The following FSIP1 variants were observed in gnomAD, a reference collection of about 807,000 sequenced individuals.
FSIP1 encodes the protein fibrous sheath interacting protein 1.
A neutral mutation model predicts 60.9 loss-of-function variants in FSIP1; 65 were observed. That is an observed-to-expected ratio of 1.07 (90% CI 0.87 to 1.31). FSIP1 has a LOEUF of 1.31. Ranked by LOEUF, FSIP1 falls within the 40% of genes most tolerant of loss-of-function variation. The pLI, the probability that FSIP1 is intolerant of heterozygous loss-of-function variation, is 0.00. For missense variants in FSIP1, 675 were observed against 665.5 expected, an observed-to-expected ratio of 1.01 and a Z score of -0.16; for synonymous variants, 209 against 221.2, an observed-to-expected ratio of 0.94 and a Z score of 0.49.
chr15:39,779,106 A>T (rs935346725), intron 1 of FSIP1, among the ~76,000 whole-genome samples: 3 of 152,182 alleles, frequency 2.0e-5, no homozygotes, highest in African/African-American at 7.2e-5. Context: ...AACAAAGATG[A>T]TATACAAAAG....
At chr15:39,625,089 C>T (rs1891585561) in intron 10 of FSIP1, among the ~76,000 whole-genome samples, 1 of 152,076 alleles carries the variant, frequency 6.6e-6, no homozygotes, top group Admixed American at 6.5e-5. Flanking sequence ...AGAATCAGAC[C>T]CCACCCATGC....
chr15:39,658,715 G>C (rs1383971313), intron 10 of FSIP1, among the ~76,000 whole-genome samples: 1 of 152,094 alleles, frequency 6.6e-6, no homozygotes, highest in Non-Finnish European at 1.5e-5. Flanking sequence ...GCATATATTT[G>C]ACTGCTTCCT....
At chr15:39,753,661 C>T (rs1897226914) in intron 5 of FSIP1, among the ~76,000 whole-genome samples, 1 of 151,580 alleles carries the variant, frequency 6.6e-6, no homozygotes, top group Middle Eastern at 3.4e-3. Flanking sequence ...GAAATGCATT[C>T]AATAAATTTC....
Position 39,617,619 on chromosome 15 carries a change from G to A in FSIP1, c.1699+116C>T, listed in dbSNP as rs536628000. ...TTTATGTTTGCATACTCTTATTGAC[G>A]CTACCTGTGACTTACAAACATACCT... On this transcript the variant is annotated intron_variant, in intron 11 of 11. Coordinates refer to ENST00000350221, the MANE Select transcript of FSIP1 (RefSeq NM_152597.5). 4.4e-5 allele frequency: 36 copies of A among 826,818 alleles called. No homozygotes were observed. The East Asian group carries it at 8.0e-4, about 18-fold the overall frequency. The allele number at this position is 826,818 out of a possible 1,614,324, so 51.2% of individuals were successfully genotyped here.
chr15:39,713,340 G>T, intron 10 of FSIP1, 104 bp downstream of exon 10: 1 of 978,584 alleles, frequency 1.0e-6, no homozygotes, highest in Non-Finnish European at 1.5e-6. Flanking sequence ...GCTGAGGTGG[G>T]CAGGTCACTT....
At chr15:39,662,363 A>T (rs1003997010) in intron 10 of FSIP1, among the ~76,000 whole-genome samples, 1 of 152,178 alleles carries the variant, frequency 6.6e-6, no homozygotes, top group African/African-American at 2.4e-5. Flanking sequence ...AAGTTTAGAG[A>T]AGTTGAAAAC....
At chr15:39,639,184 T>C (rs988759762) in intron 10 of FSIP1, among the ~76,000 whole-genome samples, 1 of 152,230 alleles carries the variant, frequency 6.6e-6, no homozygotes, top group Admixed American at 6.5e-5. Flanking sequence ...ATTTTGCTTT[T>C]TTCTGAGGCT....
chr15:39,656,804 A>T (rs1893088981), intron 10 of FSIP1, among the ~76,000 whole-genome samples: 1 of 152,234 alleles, frequency 6.6e-6, no homozygotes. Flanking sequence ...AAAAAATCAA[A>T]AAATGTTTAT....
intron 11 of FSIP1, among the ~76,000 whole-genome samples, chr15:39,609,197 C>T (rs1421895436): frequency 1.3e-5 from 2 of 152,218 alleles, no homozygotes; most frequent in African/African-American, 4.8e-5. Context: ...AGTGGCTCTG[C>T]ATTCTAGCCA....
chr15:39,602,584 A>G (rs986139611), intron 11 of FSIP1, among the ~76,000 whole-genome samples: 2 of 152,232 alleles, frequency 1.3e-5, no homozygotes, highest in African/African-American at 4.8e-5. Flanking sequence ...TACTGTCAAC[A>G]CATGGAGAAG....
rs148478050 is a variant in FSIP1, at chr15:39,681,623, A to G, written c.1188+31821T>C. On this transcript the variant is annotated intron_variant, in intron 10 of 11. Transcript: ENST00000350221. Reference sequence around the variant, plus strand: ...TATTATTCCAATATGGATTTAAAGCAGCTTATAACAACAACTACAGTATAA... The same window carrying G: ...TATTATTCCAATATGGATTTAAAGCGGCTTATAACAACAACTACAGTATAA... Among the ~76,000 whole-genome samples, 552 of 152,310 alleles carry G rather than the reference A, an allele frequency of 3.6e-3. 5 individuals are homozygous for G. The highest frequency in any genetic ancestry group is 0.012 in the African/African-American group (507 of 41,576).
intron 9 of FSIP1, among the ~76,000 whole-genome samples, chr15:39,716,812 C>CTTTTTTTTTTTTTTTTTTTTTTTTTT (rs72106293): frequency 9.1e-6 from 1 of 110,210 alleles, no homozygotes; most frequent in Non-Finnish European, 1.8e-5. Flanking sequence ...CAGGCCATGT[C>CTTTTTTTTTTTTTTTTTTTTTTTTTT]TTTTTTTTTT....
intron 9 of FSIP1, among the ~76,000 whole-genome samples, chr15:39,714,299 G>A (rs1470522211): frequency 1.3e-5 from 2 of 151,980 alleles, no homozygotes; most frequent in Non-Finnish European, 1.5e-5. Flanking sequence ...CAAAGTTAAT[G>A]TTATTTCTGG....
Position 39,659,799 on chromosome 15 carries a change from T to C in FSIP1, c.1189-41554A>G, listed in dbSNP as rs1251394206. ...TGTGTATATCACTATAACATGTTCA[T>C]TCTGGAATTTTTATTGCAATTTTGC... On this transcript the variant is annotated intron_variant, in intron 10 of 11. Transcript: ENST00000350221. 3.3e-5 allele frequency among the ~76,000 whole-genome samples: 5 copies of C among 152,262 alleles called. 1 individual carries two copies. Among genetic ancestry groups the C allele is most frequent in the Admixed American group, 3.3e-4 (5 of 15,304 alleles).
Position 39,743,035 on chromosome 15 carries a change from T to A in FSIP1, c.560-1135A>T, listed in dbSNP as rs568511455. Among the ~76,000 whole-genome samples, 9 of 152,308 alleles carry A rather than the reference T, an allele frequency of 5.9e-5. No individual in the cohort carries two copies. The Middle Eastern group carries it at 0.02, about 345-fold the overall frequency. On this transcript the variant is annotated intron_variant, in intron 5 of 11. Transcript: ENST00000350221. Reference sequence around the variant, plus strand: ...ATTCATTAAAAGTAGGCTCAGCAAGTCAGCAATTTGGCAACATTTTATTAT... The same window carrying A: ...ATTCATTAAAAGTAGGCTCAGCAAGACAGCAATTTGGCAACATTTTATTAT...
At chr15:39,668,762 T>G (rs547957659) in intron 10 of FSIP1, among the ~76,000 whole-genome samples, 2 of 152,292 alleles carry the variant, frequency 1.3e-5, no homozygotes, top group East Asian at 3.9e-4. Context: ...ACACTAGTTC[T>G]CAAGTAGCTA....
chr15:39,658,713 T>C (rs565150273), intron 10 of FSIP1, among the ~76,000 whole-genome samples: 2 of 152,364 alleles, frequency 1.3e-5, no homozygotes, highest in South Asian at 2.1e-4. Flanking sequence ...TTGCATATAT[T>C]TGACTGCTTC....
chr15:39,708,275 G>C (rs1314390739), intron 10 of FSIP1, among the ~76,000 whole-genome samples: 1 of 152,062 alleles, frequency 6.6e-6, no homozygotes, highest in Non-Finnish European at 1.5e-5. Context: ...CCATCTACAG[G>C]CTGCCTGCTT....
At chr15:39,622,335 A>T (rs1023109199) in intron 10 of FSIP1, among the ~76,000 whole-genome samples, 2 of 152,196 alleles carry the variant, frequency 1.3e-5, no homozygotes, top group African/African-American at 4.8e-5. Flanking sequence ...CACTCTGTAT[A>T]TGAAAGCCCC....
Sources: allele counts gnomAD v4.1 joint callset (sites outside exome capture counted in the v4.1 genomes callset), GRCh38; gene constraint gnomAD v4.1.1; transcripts MANE v1.5; gene names NCBI Gene and HGNC (gene_info 2026-07-23, HGNC 2026-07-21).